Variants in TENM4 observed in about 807,000 individuals in gnomAD.
The protein encoded by TENM4 is teneurin transmembrane protein 4.
Under a neutral mutation model 243.3 loss-of-function variants are expected in TENM4, and 82 were observed. That is an observed-to-expected ratio of 0.34 (90% CI 0.28 to 0.40). TENM4 has a LOEUF of 0.40. TENM4 is among the 10% of genes least tolerant of loss of function. The pLI, the probability that TENM4 is intolerant of heterozygous loss-of-function variation, is 1.00. For missense variants in TENM4, 3,138 were observed against 3,673.3 expected (o/e 0.85, Z 3.77); for synonymous variants, 1,412 against 1,456.3 (o/e 0.97, Z 0.69).
intron 30 of TENM4, 55 bp downstream of exon 30, chr11:78,676,097 C>T (rs1034364356): frequency 8.5e-6 from 12 of 1,412,062 alleles, no homozygotes; most frequent in Non-Finnish European, 1.1e-5. Flanking sequence ...GCCCCGTTCT[C>T]CCGTTCCCCA....
At chr11:79,043,972 G>A (rs1013674056) in intron 6 of TENM4, among the ~76,000 whole-genome samples, 3 of 152,080 alleles carry the variant, frequency 2.0e-5, no homozygotes, top group African/African-American at 4.8e-5. Flanking sequence ...ATATTTTGCC[G>A]GTTTTGCACT....
chr11:78,730,710 C>G (rs368387586), intron 21 of TENM4, among the ~76,000 whole-genome samples: 19 of 152,208 alleles, frequency 1.2e-4, no homozygotes, highest in South Asian at 4.1e-4. Flanking sequence ...GCTATTGTAT[C>G]TATTCAAGGG....
rs189476722 is a variant in TENM4, at chr11:79,030,544, T to G, written c.493+34194A>C. On this transcript the variant is annotated intron_variant, in intron 6 of 33. Transcript: ENST00000278550. ...GCAGGGAGGAGAGACAGCTCCCCACTGGATATCTGGCAGCCTGTCCTTCTC... is the reference window on the plus strand; with the variant it reads ...GCAGGGAGGAGAGACAGCTCCCCACGGGATATCTGGCAGCCTGTCCTTCTC... Among the ~76,000 whole-genome samples, 191 of 152,226 alleles carry G rather than the reference T, an allele frequency of 1.3e-3. 2 individuals carry two copies. The highest frequency in any genetic ancestry group is 0.011 in the Admixed American group (166 of 15,294).
chr11:79,398,169 C>CT (rs370431908), intron 1 of TENM4, among the ~76,000 whole-genome samples: 333 of 151,800 alleles, frequency 2.2e-3, no homozygotes, highest in African/African-American at 7.7e-3. Context: ...CTGTGCTTTA[C>CT]TTTTTTTTTC....
intron 4 of TENM4, among the ~76,000 whole-genome samples, chr11:79,147,464 T>G (rs1862415362): frequency 6.6e-6 from 1 of 152,078 alleles, no homozygotes; most frequent in South Asian, 2.1e-4. Flanking sequence ...TGTCTGACTC[T>G]GAGAAGTAGA....
At chr11:79,029,159 G>T (rs187742124) in intron 6 of TENM4, among the ~76,000 whole-genome samples, 3 of 152,032 alleles carry the variant, frequency 2.0e-5, no homozygotes, top group African/African-American at 7.2e-5. Flanking sequence ...TACTCTCATC[G>T]CAGTTTGAGA....
intron 2 of TENM4, among the ~76,000 whole-genome samples, chr11:79,227,152 A>G (rs7934016): frequency 0.012 from 1,753 of 152,288 alleles, 23 homozygotes; most frequent in African/African-American, 0.039. Flanking sequence ...CAGTGGCCAC[A>G]TAACCCCCGT....
intron 1 of TENM4, among the ~76,000 whole-genome samples, chr11:79,390,725 G>C (rs1375514380): frequency 6.6e-6 from 1 of 152,200 alleles, no homozygotes; most frequent in Non-Finnish European, 1.5e-5. Flanking sequence ...CTGAAGGCCA[G>C]TATCTGTGAC....
intron 12 of TENM4, among the ~76,000 whole-genome samples, chr11:78,817,240 T>C (rs1857626192): frequency 6.6e-6 from 1 of 152,164 alleles, no homozygotes; most frequent in Non-Finnish European, 1.5e-5. Flanking sequence ...TTATAGCAGA[T>C]GCATTTTCAA....
intron 2 of TENM4, among the ~76,000 whole-genome samples, chr11:79,258,908 T>C (rs1304168682): frequency 1.3e-5 from 2 of 152,190 alleles, no homozygotes; most frequent in African/African-American, 4.8e-5. Flanking sequence ...ATGCCCGAGA[T>C]GAGCAATCTG....
intron 7 of TENM4, among the ~76,000 whole-genome samples, chr11:78,901,102 A>C (rs554800881): frequency 1.3e-5 from 2 of 152,286 alleles, no homozygotes; most frequent in Non-Finnish European, 2.9e-5. Flanking sequence ...AAAAGGCATG[A>C]AAGGGCCTCG....
At chr11:79,128,454 C>T (rs759829585) in intron 4 of TENM4, among the ~76,000 whole-genome samples, 20 of 152,156 alleles carry the variant, frequency 1.3e-4, no homozygotes, top group Admixed American at 1.0e-3. Flanking sequence ...CCTGAAGGCA[C>T]AAATAAGTTA....
At chr11:78,913,622 T>C (rs867006126) in intron 6 of TENM4, among the ~76,000 whole-genome samples, 42 of 111,146 alleles carry the variant, frequency 3.8e-4, no homozygotes, top group Middle Eastern at 4.9e-3. Context: ...TGTGTGTGTG[T>C]GTGTGTGAGT....
intron 2 of TENM4, among the ~76,000 whole-genome samples, chr11:79,284,405 C>T (rs1378104141): frequency 2.6e-5 from 4 of 152,158 alleles, no homozygotes; most frequent in African/African-American, 4.8e-5. Context: ...TAAACCCTCA[C>T]ATTTATAGTC....
At chr11:79,303,486 T>A (rs1049438112) in intron 1 of TENM4, among the ~76,000 whole-genome samples, 11 of 152,368 alleles carry the variant, frequency 7.2e-5, no homozygotes, top group African/African-American at 2.6e-4. Flanking sequence ...TAATCTTAGC[T>A]AACAATGAAG....
At chr11:78,877,455 AT>A (rs1346961198) in intron 9 of TENM4, among the ~76,000 whole-genome samples, 1 of 152,216 alleles carries the variant, frequency 6.6e-6, no homozygotes, top group Non-Finnish European at 1.5e-5. Context: ...CAATTAAATT[AT>A]GTTATTTCAC....
At chr11:78,876,482 C>T (rs777367229) in intron 9 of TENM4, among the ~76,000 whole-genome samples, 3 of 152,306 alleles carry the variant, frequency 2.0e-5, no homozygotes, top group East Asian at 1.9e-4. Flanking sequence ...TTAGGCTGTT[C>T]GGTCTTCCAG....
chr11:79,015,360 C>T (rs973834888), intron 6 of TENM4, among the ~76,000 whole-genome samples: 2 of 152,216 alleles, frequency 1.3e-5, no homozygotes, highest in Non-Finnish European at 2.9e-5. Context: ...CAATGATGCT[C>T]TACTGCCTCC....
In TENM4 at chr11:78,668,735, C is replaced by T. The variant is rs12276626; in HGVS notation, c.7408+202G>A. Among the ~76,000 whole-genome samples, 195 of 152,214 alleles carry T rather than the reference C, an allele frequency of 1.3e-3. 1 individual carries two copies. Among genetic ancestry groups the T allele is most frequent in the Admixed American group, 3.9e-3 (59 of 15,288 alleles). ...AATGTAATAATGGTGGTGACCCTGA[C>T]AAATTTATTTGATGCTGGAACCATT... On this transcript the variant is annotated intron_variant, in intron 32 of 33. Coordinates refer to ENST00000278550, the MANE Select transcript of TENM4 (RefSeq NM_001098816.3).
Sources: gnomAD v4.1 joint callset for allele counts (sites outside exome capture counted in the v4.1 genomes callset) on GRCh38, gnomAD v4.1.1 for gene constraint, MANE v1.5 for transcripts, NCBI Gene and HGNC (gene_info 2026-07-23, HGNC 2026-07-21) for gene names.